Variants in ORC5 observed in about 807,000 individuals in gnomAD.
ORC5 encodes the protein origin recognition complex subunit 5.
Under a neutral mutation model 58.8 loss-of-function variants are expected in ORC5, and 39 were observed. The ratio of observed to expected loss-of-function variants is 0.66; its 90% CI spans 0.51 to 0.87. ORC5 has a LOEUF of 0.87. ORC5 is among the 40% of genes least tolerant of loss of function. The pLI, the probability that ORC5 is intolerant of heterozygous loss-of-function variation, is 0.00. For missense variants in ORC5, 493 were observed against 506.3 expected (o/e 0.97, Z 0.25); for synonymous variants, 218 against 177.6 (o/e 1.23, Z -1.81).
intron 8 of ORC5, among the ~76,000 whole-genome samples, chr7:104,183,006 G>T (rs889967494): frequency 1.3e-5 from 2 of 152,006 alleles, no homozygotes; most frequent in African/African-American, 2.4e-5. Flanking sequence ...ATGGTGGTGC[G>T]TGCCTGTAAT....
intron 3 of ORC5, among the ~76,000 whole-genome samples, chr7:104,199,539 T>C (rs1357391281): frequency 3.3e-5 from 5 of 152,240 alleles, no homozygotes; most frequent in African/African-American, 1.2e-4. Flanking sequence ...TTGCAGACTT[T>C]CTTGGGGCCT....
chr7:104,134,818 G>A (rs1798564434), intron 13 of ORC5, among the ~76,000 whole-genome samples: 1 of 152,108 alleles, frequency 6.6e-6, no homozygotes, highest in South Asian at 2.1e-4. Flanking sequence ...AGAATGAAAG[G>A]TAAAGTCAGC....
rs370087332 is a variant in ORC5 at position 104,207,797 on chromosome 7, G to A, written c.72+36C>T. On this transcript the variant is annotated intron_variant, in intron 1 of 13. Coordinates refer to ENST00000297431, the MANE Select transcript of ORC5 (RefSeq NM_002553.4). ...AGGTCGCAAGACTACCGAAACGTCT[G>A]CCTCCAGGATCTGGAAGACAGTTTA... is the stretch of plus-strand genomic sequence containing the variant. 25 of 1,570,064 alleles carry A rather than the reference G, an allele frequency of 1.6e-5. No individual in the cohort carries two copies. The Middle Eastern group carries it at 6.7e-4, about 42-fold the overall frequency.
intron 9 of ORC5, 84 bp from the exon 10 acceptor site, chr7:104,166,968 C>T: frequency 1.3e-6 from 1 of 746,732 alleles, no homozygotes; most frequent in Non-Finnish European, 2.3e-6. Flanking sequence ...TTTTCATTTC[C>T]ATATGGTATT....
At chr7:104,188,155 A>G in intron 6 of ORC5, 96 bp downstream of exon 6, 3 of 1,004,200 alleles carry the variant, frequency 3.0e-6, no homozygotes, top group Non-Finnish European at 2.8e-6. Context: ...TACCATTTCT[A>G]CATGGAAAAC....
intron 6 of ORC5, chr7:104,187,627 A>G (rs543469069): frequency 2.6e-5 from 10 of 381,984 alleles, no homozygotes; most frequent in Non-Finnish European, 3.2e-5. Context: ...TTCCTTTCCC[A>G]TCCCTACAAT....
chr7:104,179,349 G>A (rs910094896), intron 8 of ORC5, among the ~76,000 whole-genome samples: 2 of 152,174 alleles, frequency 1.3e-5, no homozygotes, highest in African/African-American at 4.8e-5. Context: ...ATCTAAGCAT[G>A]TCATGGATGG....
In ORC5 at chr7:104,166,777, G is replaced by C. The variant is rs1562814705; in HGVS notation, c.985C>G (p.Leu329Val). ...NPARTDKRFF[L>V]KHHGKIKKTN... is the part of the protein sequence containing the mutation. ...AAGAAGTATGTTATTATTACCTTAA[G>C]AAAAAACCTCTTGTCAGTTCTTGCT... The change falls in exon 10 of 14, where the codon CTT (leucine) becomes GTT (valine). Residue 329 changes from leucine to valine, a missense_variant. Leu to Val is a conservative substitution (Grantham distance 32). This residue lies in a region of ORC5 where 412 missense variants were observed against 403.7 expected (regional missense o/e 1.02). Transcript: ENST00000297431. 6.4e-7 allele frequency: 1 copy of C among 1,552,756 alleles called. No homozygotes were observed. The highest frequency in any genetic ancestry group is 8.8e-7 in the Non-Finnish European group (1 of 1,130,290).
At position 104,168,516 on chromosome 7, in the gene ORC5, C is replaced by T. The variant is rs374874911; in HGVS notation, c.834G>A (p.Trp278Ter). The change falls in exon 9 of 14, where the codon TGG becomes TGA. Residue 278 changes from tryptophan (W) to a stop codon, truncating the protein, a stop_gained. Coordinates refer to ENST00000297431, the MANE Select transcript of ORC5 (RefSeq NM_002553.4). LOFTEE classifies it high-confidence loss of function. The stretch of plus-strand genomic sequence containing the variant: ...CTGTGTCATCTTTCTGTAGCTTTTC[C>T]CACTGGGAACTGAAAAAAAATAGAA... ...VYLREISSSQ[W>*]EKLQKDDTDP... 1 of 1,556,918 alleles carries T rather than the reference C, an allele frequency of 6.4e-7. No homozygotes were observed. Among genetic ancestry groups the T allele is most frequent in the Non-Finnish European group, 8.7e-7 (1 of 1,154,296 alleles).
chr7:104,146,803 A>G (rs182491350), intron 12 of ORC5, among the ~76,000 whole-genome samples: 1 of 152,302 alleles, frequency 6.6e-6, no homozygotes, highest in East Asian at 1.9e-4. Flanking sequence ...ACAAAAGAAT[A>G]CAAATAGAAG....
At position 104,161,136 on chromosome 7, in the gene ORC5, A is replaced by G. The variant is rs949881360; in HGVS notation, c.1085T>C (p.Leu362Ser). 1 of 1,611,392 alleles carries G rather than the reference A, an allele frequency of 6.2e-7. No individual in the cohort carries two copies. Among genetic ancestry groups the G allele is most frequent in the Non-Finnish European group, 8.5e-7 (1 of 1,177,778 alleles). The change falls in exon 12 of 14, where the codon TTA becomes TCA. Residue 362 changes from leucine (L) to serine (S), a missense_variant. Leu to Ser is a moderately radical substitution (Grantham distance 145). Coordinates refer to ENST00000297431, the MANE Select transcript of ORC5 (RefSeq NM_002553.4). ...LGPKPFPLDR[L>S]LAILYSIVDS... Reference sequence around the variant, plus strand: ...CACGATACTATATAATATTGCTAATAATCTGTCTAGTGGAAATGGTTTTGG... The same window carrying G: ...CACGATACTATATAATATTGCTAATGATCTGTCTAGTGGAAATGGTTTTGG...
At chr7:104,188,168 T>C in intron 6 of ORC5, 83 bp downstream of exon 6, 2 of 1,047,998 alleles carry the variant, frequency 1.9e-6, no homozygotes, top group Non-Finnish European at 2.6e-6. Context: ...TGGAAAACAT[T>C]AAAATACATA....
At chr7:104,181,496 T>A (rs1799429446) in intron 8 of ORC5, among the ~76,000 whole-genome samples, 1 of 152,124 alleles carries the variant, frequency 6.6e-6, no homozygotes, top group African/African-American at 2.4e-5. Flanking sequence ...TTAGAAAATG[T>A]GCACAGAGGC....
chr7:104,205,309 C>G (rs921617070), intron 1 of ORC5, among the ~76,000 whole-genome samples: 1 of 151,858 alleles, frequency 6.6e-6, no homozygotes, highest in Non-Finnish European at 1.5e-5. Flanking sequence ...AGGCTGGTCT[C>G]AAACTCCTGA....
chr7:104,147,994 A>T (rs1159182631), intron 12 of ORC5, among the ~76,000 whole-genome samples: 1 of 152,116 alleles, frequency 6.6e-6, no homozygotes, highest in Non-Finnish European at 1.5e-5. Flanking sequence ...ATATGGACAA[A>T]ACTTGAGGGG....
At chr7:104,150,657 G>T (rs949133580) in intron 12 of ORC5, among the ~76,000 whole-genome samples, 6 of 152,090 alleles carry the variant, frequency 3.9e-5, no homozygotes, top group African/African-American at 1.2e-4. Flanking sequence ...CTAATCTCTG[G>T]AACTTTTTAG....
chr7:104,139,730 G>A (rs75003934), intron 12 of ORC5, among the ~76,000 whole-genome samples: 2,624 of 151,990 alleles, frequency 0.017, 81 homozygotes, highest in African/African-American at 0.059. Flanking sequence ...TATAAATATT[G>A]TGCGTTGAAA....
intron 5 of ORC5, among the ~76,000 whole-genome samples, chr7:104,194,491 T>C (rs963202041): frequency 2.0e-5 from 3 of 152,226 alleles, no homozygotes; most frequent in Middle Eastern, 6.8e-3. Flanking sequence ...CACAAAAAGC[T>C]ATTGTGTTCT....
chr7:104,187,783 G>A, intron 6 of ORC5: 1 of 983,058 alleles, frequency 1.0e-6, no homozygotes, highest in Non-Finnish European at 1.2e-6. Context: ...AGTGGTTAAT[G>A]AAAGACCTGC....
Sources: allele counts gnomAD v4.1 joint callset (sites outside exome capture counted in the v4.1 genomes callset), GRCh38; gene constraint gnomAD v4.1.1; regional missense constraint gnomAD v4.1.1; transcripts MANE v1.5; gene names NCBI Gene and HGNC (gene_info 2026-07-23, HGNC 2026-07-21).